The following PRKCG variants were observed in gnomAD, a reference collection of about 807,000 sequenced individuals.
PRKCG encodes protein kinase C gamma type.
Under a neutral mutation model 82.0 loss-of-function variants are expected in PRKCG, and 28 were observed. The ratio of observed to expected loss-of-function variants is 0.34; its 90% CI spans 0.25 to 0.47. The LOEUF (loss-of-function observed/expected upper bound fraction) is 0.47, where lower values mean the gene tolerates loss of function less well. Among genes scored for constraint, PRKCG ranks in the 20% least tolerant of loss-of-function variants. PRKCG has a pLI of 1.00. For missense variants in PRKCG, 640 were observed against 952.7 expected, an observed-to-expected ratio of 0.67 and a Z score of 4.32; for synonymous variants, 383 against 376.6, an observed-to-expected ratio of 1.02 and a Z score of -0.20.
At chr19:53,891,251 G>T (rs907641178) in intron 5 of PRKCG, among the ~76,000 whole-genome samples, 32 of 151,622 alleles carry the variant, frequency 2.1e-4, no homozygotes, top group African/African-American at 7.3e-4. Flanking sequence ...AAGAAGTCAT[G>T]AGAAACGAGA....
In PRKCG at chr19:53,892,408, C is replaced by A; in HGVS notation, c.687-101C>A. ...GAGACCGACAAAGCAGGAGAGGAGCCCCAGCTGGCTGGGTTTGCCCCCACC... is the reference window on the plus strand; with the variant it reads ...GAGACCGACAAAGCAGGAGAGGAGCACCAGCTGGCTGGGTTTGCCCCCACC... On this transcript the variant is annotated intron_variant, in intron 6 of 17. Coordinates refer to ENST00000263431, the MANE Select transcript of PRKCG (RefSeq NM_002739.5). This position sits in a 1 kb window ranked among gnomAD's most constrained non-coding sequence, Gnocchi z 5.9. 1 of 1,521,868 alleles carries A rather than the reference C, an allele frequency of 6.6e-7. No individual in the cohort carries two copies. The highest frequency in any genetic ancestry group is 1.9e-5 in the Admixed American group (1 of 51,392). 94.3% of individuals were successfully genotyped at this position (1,521,868 alleles called of 1,614,324 possible).
rs1411146770 is a variant in PRKCG at position 53,892,784 on chromosome 19, A to ACG, written c.821+142_821+143insGC. 3.6e-5 allele frequency: 39 copies of ACG among 1,080,878 alleles called. No individual in the cohort carries two copies. The highest frequency in any genetic ancestry group is 4.9e-5 in the Non-Finnish European group (37 of 749,340). The allele number at this position is 1,080,878 out of a possible 1,614,324, so 67.0% of individuals were successfully genotyped here. A position where few individuals can be genotyped will look rare whatever the true frequency, so the allele number is the denominator to read the frequency against. ...CACACACACACACACACACACACGC[A>ACG]CACACACGCACACACCCCTCTCTCT... is the stretch of plus-strand genomic sequence containing the variant. On this transcript the variant is annotated intron_variant, in intron 7 of 17. Transcript: ENST00000263431. The surrounding 1 kb of genome is among the most constrained non-coding windows in gnomAD (Gnocchi z 5.9).
rs1338735704 is a variant in PRKCG at position 53,882,842 on chromosome 19, C to T, written c.170+178C>T. Among the ~76,000 whole-genome samples the T allele has an allele frequency of 6.6e-6, 1 of 151,894 alleles. No individual in the cohort carries two copies. The highest frequency in any genetic ancestry group is 1.5e-5 in the Non-Finnish European group (1 of 67,966). ...GGTTTCAGTGAGGAGGAGGCTGGTT[C>T]CTGGAGTGCTGGGTCCGAGGGAGGA... On this transcript the variant is annotated intron_variant, in intron 1 of 17. Transcript: ENST00000263431. This position sits in a 1 kb window ranked among gnomAD's most constrained non-coding sequence, Gnocchi z 6.1.
chr19:53,882,673 AGGGGGCTG>A lies in PRKCG; in HGVS notation c.170+14_170+21del. On this transcript the variant is annotated intron_variant, in intron 1 of 17. Transcript: ENST00000263431. The surrounding 1 kb of genome is among the most constrained non-coding windows in gnomAD (Gnocchi z 6.1). The stretch of plus-strand genomic sequence containing the variant: ...TGCACCGACTTCATCTGGTGAGGGA[AGGGGGCTG>A]GGGGACTGGGGGACGAGGGGACTAG... 11 of 1,006,118 alleles carry A rather than the reference AGGGGGCTG, an allele frequency of 1.1e-5. No homozygotes were observed. The East Asian group carries it at 4.5e-4, about 41-fold the overall frequency. The allele number at this position is 1,006,118 out of a possible 1,614,324, so 62.3% of individuals were successfully genotyped here.
rs1226634530 is a variant in PRKCG, at chr19:53,892,780, ACG to A, written c.821+139_821+140del. 17,654 of 1,032,278 alleles carry A rather than the reference ACG, an allele frequency of 0.017. 104 individuals carry two copies. Among genetic ancestry groups the A allele is most frequent in the Non-Finnish European group, 0.02 (14,288 of 717,568 alleles). The allele number at this position is 1,032,278 out of a possible 1,614,324, so 63.9% of individuals were successfully genotyped here. On this transcript the variant is annotated intron_variant, in intron 7 of 17. Coordinates refer to ENST00000263431, the MANE Select transcript of PRKCG (RefSeq NM_002739.5). The surrounding 1 kb of genome is among the most constrained non-coding windows in gnomAD (Gnocchi z 5.9). ...CACACACACACACACACACACACAC[ACG>A]CACACACACGCACACACCCCTCTCT...
intron 5 of PRKCG, 54 bp from the exon 6 acceptor site, chr19:53,891,620 G>T (rs1269262881): frequency 1.2e-6 from 2 of 1,602,118 alleles, no homozygotes; most frequent in Non-Finnish European, 1.7e-6. Flanking sequence ...AGGAGGGCTG[G>T]GAGCCCCTTC....
At chr19:53,893,550 T>C in intron 9 of PRKCG, 159 bp downstream of exon 9, 1 of 811,412 alleles carries the variant, frequency 1.2e-6, no homozygotes. Context: ...GATCCAGAGA[T>C]GAATCTGACC....
chr19:53,899,370 T>C (rs181566303), intron 11 of PRKCG, among the ~76,000 whole-genome samples: 1 of 152,280 alleles, frequency 6.6e-6, no homozygotes, highest in East Asian at 1.9e-4. Flanking sequence ...GCCTTCCTAG[T>C]GGGCCTGCCC....
chr19:53,882,263 C>T lies in PRKCG; in HGVS notation c.-232C>T, dbSNP rs1278778508. 3 of 603,626 alleles carry T rather than the reference C, an allele frequency of 5.0e-6. No homozygotes were observed. The highest frequency in any genetic ancestry group is 3.8e-5 in the East Asian group (1 of 26,100). 37.4% of individuals were successfully genotyped at this position (603,626 alleles called of 1,614,324 possible). On this transcript the variant is annotated 5_prime_UTR_variant, in exon 1 of 18. Coordinates refer to ENST00000263431, the MANE Select transcript of PRKCG (RefSeq NM_002739.5). This position sits in a 1 kb window ranked among gnomAD's most constrained non-coding sequence, Gnocchi z 6.1. Reference sequence around the variant, plus strand: ...GCCCGTGCCTCCGGCTGCCGGCGCCCCTGCCTTTGGCTCTTCCTCCCCACT... The same window carrying T: ...GCCCGTGCCTCCGGCTGCCGGCGCCTCTGCCTTTGGCTCTTCCTCCCCACT...
rs745831429 is a variant in PRKCG, at chr19:53,890,029, C to T, written c.529+12C>T. On this transcript the variant is annotated intron_variant, in intron 5 of 17. Coordinates refer to ENST00000263431, the MANE Select transcript of PRKCG (RefSeq NM_002739.5). Reference sequence around the variant, plus strand: ...GATCCACGTAACTGGTGAGGCCCCGCCCCCTCGCCTGGCCCCGCCCCCTCC... The same window carrying T: ...GATCCACGTAACTGGTGAGGCCCCGTCCCCTCGCCTGGCCCCGCCCCCTCC... 3.0e-5 allele frequency: 47 copies of T among 1,552,624 alleles called. No individual in the cohort carries two copies. The African/African-American group carries it at 5.9e-4, about 19-fold the overall frequency.
intron 8 of PRKCG, 48 bp from the exon 9 acceptor site, chr19:53,893,314 A>T (rs192447512): frequency 6.3e-7 from 1 of 1,583,100 alleles, no homozygotes; most frequent in African/African-American, 1.3e-5. Flanking sequence ...TTCTAGGGCG[A>T]TCCCCTGCAT....
rs749263686 is a variant in PRKCG at position 53,882,290 on chromosome 19, G to T, written c.-205G>T. The T allele has an allele frequency of 4.3e-6, 3 of 701,522 alleles. No homozygotes were observed. The highest frequency in any genetic ancestry group is 7.1e-6 in the Non-Finnish European group (3 of 425,284). 43.5% of individuals were successfully genotyped at this position (701,522 alleles called of 1,614,324 possible). ...TGCCTTTGGCTCTTCCTCCCCACTCGCCCGCTCCCCCTGGCGGAGCCGGCG... is the reference window on the plus strand; with the variant it reads ...TGCCTTTGGCTCTTCCTCCCCACTCTCCCGCTCCCCCTGGCGGAGCCGGCG... On this transcript the variant is annotated 5_prime_UTR_variant, in exon 1 of 18. Coordinates refer to ENST00000263431, the MANE Select transcript of PRKCG (RefSeq NM_002739.5). This position sits in a 1 kb window ranked among gnomAD's most constrained non-coding sequence, Gnocchi z 6.1.
chr19:53,902,890 C>CAAAAAAAAAAAAAAAAA lies in PRKCG; in HGVS notation c.1576-173_1576-157dup, dbSNP rs56955659. Among the ~76,000 whole-genome samples the CAAAAAAAAAAAAAAAAA allele has an allele frequency of 3.5e-4, 7 of 19,976 alleles. 1 individual carries two copies. The highest frequency in any genetic ancestry group is 8.3e-4 in the African/African-American group (6 of 7,260). 13.1% of individuals were successfully genotyped at this position (19,976 alleles called of 152,430 possible). A position where few individuals can be genotyped will look rare whatever the true frequency, so the allele number is the denominator to read the frequency against. On this transcript the variant is annotated intron_variant, in intron 14 of 17. Transcript: ENST00000263431. ...CCTGGGCAACAGAGTGAGACCCTGT[C>CAAAAAAAAAAAAAAAAA]AAAAAAAAAAAAAAAAAAAAAAAAA...
In PRKCG at chr19:53,898,572, G is replaced by T. The variant is rs1207949925; in HGVS notation, c.1225G>T (p.Gly409Cys). 1.2e-6 allele frequency: 2 copies of T among 1,610,570 alleles called. No individual in the cohort carries two copies. Among genetic ancestry groups the T allele is most frequent in the South Asian group, 1.1e-5 (1 of 90,818 alleles). The change falls in exon 11 of 18, where the codon GGT becomes TGT. Residue 409 changes from glycine (G) to cysteine (C), a missense_variant. Gly to Cys is a radical substitution (Grantham distance 159). Around this residue, in one of 7 missense-constraint regions of PRKCG, gnomAD observed 78 missense variants for 105.6 expected, o/e 0.74. Coordinates refer to ENST00000263431, the MANE Select transcript of PRKCG (RefSeq NM_002739.5). ...ACGTGTGCTGGCGCTGGGGGGCCGGGGTCCTGGCGGCCGGCCCCACTTCCT... is the reference window on the plus strand; with the variant it reads ...ACGTGTGCTGGCGCTGGGGGGCCGGTGTCCTGGCGGCCGGCCCCACTTCCT... ...EKRVLALGGRGPGGRPHFLTQ... is the reference protein window; with the variant it reads ...EKRVLALGGRCPGGRPHFLTQ...
At chr19:53,893,099 A>G (rs1042709427) in intron 8 of PRKCG, 24 bp downstream of exon 8, 8 of 1,603,636 alleles carry the variant, frequency 5.0e-6, no homozygotes, top group Non-Finnish European at 6.0e-6. Flanking sequence ...GGCTTCCTCA[A>G]GGGAGCCCAG....
chr19:53,905,226 G>A (rs1290256688), intron 16 of PRKCG, among the ~76,000 whole-genome samples: 1 of 152,070 alleles, frequency 6.6e-6, no homozygotes, highest in Non-Finnish European at 1.5e-5. Context: ...CAGTCTCTCT[G>A]GTTTCTGTCT....
In PRKCG at chr19:53,892,613, C is replaced by T. The variant is rs1051433718; in HGVS notation, c.791C>T (p.Ser264Leu). The change falls in exon 7 of 18, where the codon TCG becomes TTG. Residue 264 changes from serine to leucine, a missense_variant. Ser to Leu is a moderately radical substitution (Grantham distance 145). Around this residue, in one of 7 missense-constraint regions of PRKCG, gnomAD observed 261 missense variants for 312.1 expected, o/e 0.84. Transcript: ENST00000263431. The surrounding 1 kb of genome is among the most constrained non-coding windows in gnomAD (Gnocchi z 5.9). The part of the protein sequence containing the change: ...DFMGAMSFGV[S>L]ELLKAPVDGW... ...ATGGGGGCCATGTCCTTTGGCGTCT[C>T]GGAGCTGCTCAAGGCGCCCGTGGAT... 6.2e-6 allele frequency: 10 copies of T among 1,612,980 alleles called. No homozygotes were observed. Among genetic ancestry groups the T allele is most frequent in the Admixed American group, 1.7e-5 (1 of 59,984 alleles).
intron 5 of PRKCG, among the ~76,000 whole-genome samples, chr19:53,890,842 C>T (rs990901517): frequency 2.6e-5 from 4 of 151,420 alleles, no homozygotes; most frequent in Non-Finnish European, 4.4e-5. Context: ...ACCTCCGCCT[C>T]TCAGGTTCAA....
upstream of PRKCG, chr19:53,882,112 C>G: frequency 3.4e-6 from 1 of 293,246 alleles, no homozygotes; most frequent in Non-Finnish European, 6.6e-6. This position sits in a 1 kb window ranked among gnomAD's most constrained non-coding sequence, Gnocchi z 6.1. Flanking sequence ...ACATTTGTCC[C>G]GTGTCTCCGG....
Sources: gnomAD v4.1 joint callset for allele counts (sites outside exome capture counted in the v4.1 genomes callset) on GRCh38, gnomAD v4.1.1 for gene constraint, gnomAD v4.1.1 regional missense constraint, Gnocchi (gnomAD v3.1) non-coding constraint, MANE v1.5 for transcripts, NCBI Gene and HGNC (gene_info 2026-07-23, HGNC 2026-07-21) for gene names.